RNF175: variants seen among roughly 807,000 people sequenced by gnomAD.
RNF175 encodes ring finger protein 175.
In RNF175, 38 loss-of-function variants were observed where a neutral mutation model predicts 50.0. The observed-to-expected ratio is 0.76, with a 90% CI of 0.59 to 1.00. RNF175 has a LOEUF of 1.00. RNF175 is among the 50% of genes least tolerant of loss of function. The pLI, the probability that RNF175 is intolerant of heterozygous loss-of-function variation, is 0.00. For synonymous variants in RNF175, 155 were observed against 146.1 expected (o/e 1.06, Z -0.44); for missense variants, 388 against 409.6 (o/e 0.95, Z 0.46).
chr4:153,732,548 T>C (rs1739102632), intron 3 of RNF175, among the ~76,000 whole-genome samples: 1 of 152,218 alleles, frequency 6.6e-6, no homozygotes, highest in Non-Finnish European at 1.5e-5. Flanking sequence ...TTGATTTAAA[T>C]AGAGCAATGC....
chr4:153,720,203 T>C lies in RNF175; in HGVS notation c.611A>G (p.Tyr204Cys), dbSNP rs763418021. ...ACTTACCCCTATAGTGGAAGCCATG[T>C]AGTCTGAGCAGATCTCGGCAAAGTC... is the stretch of plus-strand genomic sequence containing the variant. ...GRDFAEICSD[Y>C]MASTIGFYSV... is the part of the protein sequence containing the mutation. Residue 204 changes from tyrosine (Y) to cysteine (C), a missense_variant, in exon 6 of 9, where the codon TAC becomes TGC. Tyr to Cys is a radical substitution (Grantham distance 194). Transcript: ENST00000347063. The C allele has an allele frequency of 9.3e-6, 15 of 1,613,690 alleles. No individual in the cohort carries two copies. The South Asian group carries it at 1.2e-4, about 13-fold the overall frequency.
At position 153,760,005 on chromosome 4, in the gene RNF175, G is replaced by C; in HGVS notation, c.-143C>G. ...GGCGGCGGAGCGGCGGCCCTGCCCG[G>C]GTTGTGCGGGGCGGGAGATGGGAGC... On this transcript the variant is annotated 5_prime_UTR_variant, in exon 1 of 9. Coordinates refer to ENST00000347063, the MANE Select transcript of RNF175 (RefSeq NM_173662.4). 1 of 447,988 alleles carries C rather than the reference G, an allele frequency of 2.2e-6. No individual in the cohort carries two copies. Among genetic ancestry groups the C allele is most frequent in the Non-Finnish European group, 3.8e-6 (1 of 265,748 alleles). The allele number at this position is 447,988 out of a possible 1,614,324, so 27.8% of individuals were successfully genotyped here. A position where few individuals can be genotyped will look rare whatever the true frequency, so the allele number is the denominator to read the frequency against.
chr4:153,713,510 G>A (rs1033086857), intron 7 of RNF175: 3 of 152,138 alleles, frequency 2.0e-5, no homozygotes, highest in Non-Finnish European at 4.4e-5. Flanking sequence ...CTACTGATTT[G>A]TTTATTTCTA....
chr4:153,721,473 A>AGCTT (rs1284768655), intron 5 of RNF175: 2 of 152,226 alleles, frequency 1.3e-5, no homozygotes, highest in African/African-American at 4.8e-5. Context: ...CACAGGTGGT[A>AGCTT]GCTTCATCCT....
intron 2 of RNF175, 60 bp downstream of exon 2, chr4:153,751,378 C>T: frequency 8.6e-7 from 1 of 1,160,376 alleles, no homozygotes; most frequent in Non-Finnish European, 1.2e-6. Flanking sequence ...ATTTTCTCAA[C>T]TGTTAAGATA....
At chr4:153,759,719 G>T in intron 1 of RNF175, 78 bp downstream of exon 1, 1 of 992,948 alleles carries the variant, frequency 1.0e-6, no homozygotes, top group Admixed American at 3.4e-5. Context: ...AGACCAGTCT[G>T]TGCAGCCTGC....
intron 6 of RNF175, among the ~76,000 whole-genome samples, chr4:153,717,556 T>C (rs896452009): frequency 9.8e-5 from 11 of 111,986 alleles, no homozygotes; most frequent in South Asian, 2.7e-4. Context: ...CACACACACA[T>C]ACATATCTGT....
intron 3 of RNF175, among the ~76,000 whole-genome samples, chr4:153,736,140 T>G (rs966117483): frequency 1.2e-4 from 18 of 152,206 alleles, no homozygotes; most frequent in African/African-American, 4.1e-4. Flanking sequence ...GAAATTCCCT[T>G]TTATTCCTAG....
In RNF175 at chr4:153,748,755, G is replaced by C. The variant is rs776559879; in HGVS notation, c.136C>G (p.Arg46Gly). The C allele has an allele frequency of 2.5e-6, 4 of 1,611,700 alleles. No individual in the cohort carries two copies. Among genetic ancestry groups the C allele is most frequent in the Non-Finnish European group, 3.4e-6 (4 of 1,179,014 alleles). Residue 46 changes from arginine to glycine, a missense_variant, in exon 3 of 9, where the codon CGG becomes GGG. Transcript: ENST00000347063. ...LQQERMYKMH[R>G]GHDSMHVEMI... ...TCCACGTGCATGGAATCGTGGCCCC[G>C]GTGCATCTTGTACATCCTCTCCTGC...
At chr4:153,758,056 G>A (rs1740645993) in intron 1 of RNF175, among the ~76,000 whole-genome samples, 1 of 152,184 alleles carries the variant, frequency 6.6e-6, no homozygotes, top group South Asian at 2.1e-4. Flanking sequence ...TGCTGAAGGA[G>A]GTTCTTAGAC....
At chr4:153,729,733 G>C in intron 3 of RNF175, 1 of 984,790 alleles carries the variant, frequency 1.0e-6, no homozygotes, top group Non-Finnish European at 1.2e-6. Context: ...GAATTGCTCT[G>C]AATCTTCTTT....
chr4:153,726,230 G>A (rs1457969962), intron 4 of RNF175, among the ~76,000 whole-genome samples: 2 of 151,976 alleles, frequency 1.3e-5, no homozygotes, highest in East Asian at 1.9e-4. Flanking sequence ...TCAGCCTCCC[G>A]AGTAGCTGGG....
At chr4:153,750,273 C>T (rs984846454) in intron 2 of RNF175, among the ~76,000 whole-genome samples, 3 of 152,104 alleles carry the variant, frequency 2.0e-5, no homozygotes, top group Non-Finnish European at 4.4e-5. Context: ...CAGTCTGTGC[C>T]GTGAGATAGT....
intron 3 of RNF175, among the ~76,000 whole-genome samples, chr4:153,742,465 A>G (rs1739721186): frequency 6.6e-6 from 1 of 152,232 alleles, no homozygotes; most frequent in Non-Finnish European, 1.5e-5. Context: ...CTTTTACAGC[A>G]TATGATTACG....
intron 3 of RNF175, among the ~76,000 whole-genome samples, chr4:153,747,755 T>C (rs1309331855): frequency 6.6e-6 from 1 of 152,232 alleles, no homozygotes; most frequent in African/African-American, 2.4e-5. Context: ...AATTACACAG[T>C]TCCAAAGCTG....
At chr4:153,754,231 G>C (rs1456803602) in intron 1 of RNF175, among the ~76,000 whole-genome samples, 1 of 151,992 alleles carries the variant, frequency 6.6e-6, no homozygotes, top group Non-Finnish European at 1.5e-5. Flanking sequence ...CTTGATTGGA[G>C]AGAGATGATG....
chr4:153,759,828 GGCGCTGCCTTCC>G lies in RNF175; in HGVS notation c.23_34del (p.Arg8_Ala11del). 1 of 1,468,966 alleles carries G rather than the reference GGCGCTGCCTTCC, an allele frequency of 6.8e-7. No individual in the cohort carries two copies. The highest frequency in any genetic ancestry group is 1.5e-5 in the African/African-American group (1 of 67,906). The allele number at this position is 1,468,966 out of a possible 1,614,324, so 91.0% of individuals were successfully genotyped here. ...CTGCTGCGGGGGGGCCTCCAGCACC[GGCGCTGCCTTCC>G]GCGCCGCCGTCCCCGCGGCCATGCC... On this transcript the variant is annotated inframe_deletion, in exon 1 of 9. Coordinates refer to ENST00000347063, the MANE Select transcript of RNF175 (RefSeq NM_173662.4).
Position 153,742,272 on chromosome 4 carries a change from C to CAAAAAA in RNF175, c.246+6367_246+6372dup, listed in dbSNP as rs34991607. Among the ~76,000 whole-genome samples the CAAAAAA allele has an allele frequency of 5.8e-5, 6 of 103,884 alleles. No homozygotes were observed. The East Asian group carries it at 1.5e-3, about 26-fold the overall frequency. The allele number at this position is 103,884 out of a possible 152,430, so 68.2% of individuals were successfully genotyped here. ...TGGGTGACAGAGTGAGCTTCTGTTC[C>CAAAAAA]AAAAAAAAAAAAAAAAAAAAATTCA... is the stretch of plus-strand genomic sequence containing the variant. On this transcript the variant is annotated intron_variant, in intron 3 of 8. Transcript: ENST00000347063.
intron 3 of RNF175, among the ~76,000 whole-genome samples, chr4:153,747,455 G>A (rs189670734): frequency 7.6e-4 from 116 of 152,238 alleles, no homozygotes; most frequent in African/African-American, 2.8e-3. Context: ...CTCCAGCATG[G>A]ACACAGTTAA....
Sources: gnomAD v4.1 joint callset for allele counts (sites outside exome capture counted in the v4.1 genomes callset) on GRCh38, gnomAD v4.1.1 for gene constraint, MANE v1.5 for transcripts, NCBI Gene and HGNC (gene_info 2026-07-23, HGNC 2026-07-21) for gene names.